CTNNA3: variants seen among roughly 807,000 people sequenced by gnomAD.
CTNNA3 encodes catenin alpha 3.
A neutral mutation model predicts 95.7 loss-of-function variants in CTNNA3; 76 were observed. The observed-to-expected ratio is 0.79, with a 90% CI of 0.66 to 0.96. The LOEUF (loss-of-function observed/expected upper bound fraction) is 0.96. Ranked by LOEUF, CTNNA3 falls within the 40% of genes least tolerant of loss-of-function variation. CTNNA3 has a pLI of 0.00. For synonymous variants in CTNNA3, 431 were observed against 374.4 expected (o/e 1.15, Z -1.74); for missense variants, 1,191 against 1,089.8 (o/e 1.09, Z -1.31).
chr10:66,423,563 T>A (rs2093214283), intron 11 of CTNNA3, among the ~76,000 whole-genome samples: 5 of 152,022 alleles, frequency 3.3e-5, no homozygotes, highest in Admixed American at 2.6e-4. Context: ...AACCCTAAGA[T>A]AAATCCCTCC....
At chr10:67,263,099 G>A (rs1204142370) in intron 5 of CTNNA3, among the ~76,000 whole-genome samples, 1 of 152,172 alleles carries the variant, frequency 6.6e-6, no homozygotes, top group East Asian at 1.9e-4. Flanking sequence ...CAGATGGCAA[G>A]AAACCCAAGG....
At chr10:67,698,990 T>C (rs1589574919), upstream of CTNNA3, among the ~76,000 whole-genome samples, 1 of 152,058 alleles carries the variant, frequency 6.6e-6, no homozygotes, top group African/African-American at 2.4e-5. Flanking sequence ...ATAAACCCAC[T>C]AACACCGAGC....
intron 1 of CTNNA3, among the ~76,000 whole-genome samples, chr10:67,754,168 G>C (rs888368264): frequency 5.3e-5 from 8 of 152,268 alleles, no homozygotes; most frequent in Middle Eastern, 3.4e-3. Context: ...TTTGCAGGGA[G>C]ATGGATGGAG....
At chr10:66,428,042 A>G (rs2093258497) in intron 11 of CTNNA3, among the ~76,000 whole-genome samples, 1 of 152,170 alleles carries the variant, frequency 6.6e-6, no homozygotes. Flanking sequence ...GGCTCAAAAT[A>G]AAAGGATGGA....
At chr10:67,663,610 G>T (rs1840254280) in intron 1 of CTNNA3, among the ~76,000 whole-genome samples, 1 of 114,680 alleles carries the variant, frequency 8.7e-6, no homozygotes, top group Non-Finnish European at 2.1e-5. Flanking sequence ...CAGGACGTCA[G>T]AGGACTCGGA....
intron 13 of CTNNA3, among the ~76,000 whole-genome samples, chr10:66,153,952 T>C (rs1675838145): frequency 6.6e-6 from 1 of 151,760 alleles, no homozygotes; most frequent in African/African-American, 2.4e-5. Flanking sequence ...GGCTGGACCA[T>C]TTGAAACTTA....
intron 7 of CTNNA3, among the ~76,000 whole-genome samples, chr10:66,953,488 A>G (rs538113427): frequency 1.8e-4 from 28 of 152,298 alleles, no homozygotes; most frequent in Admixed American, 3.3e-4. Flanking sequence ...TTCCCAACAA[A>G]GAATAAGTCA....
At chr10:67,315,574 C>T (rs909888262) in intron 5 of CTNNA3, among the ~76,000 whole-genome samples, 11 of 152,074 alleles carry the variant, frequency 7.2e-5, no homozygotes, top group African/African-American at 2.4e-4. Flanking sequence ...GCTTCCTTAA[C>T]AAATTCCCAG....
chr10:67,430,102 C>T (rs1025034243), intron 5 of CTNNA3, among the ~76,000 whole-genome samples: 1 of 151,954 alleles, frequency 6.6e-6, no homozygotes, highest in African/African-American at 2.4e-5. Flanking sequence ...CTTTATATTT[C>T]ATTTTCAAGC....
At chr10:67,534,947 A>C (rs1286130608) in intron 4 of CTNNA3, among the ~76,000 whole-genome samples, 1 of 152,186 alleles carries the variant, frequency 6.6e-6, no homozygotes, top group Non-Finnish European at 1.5e-5. Context: ...GTTTTGCATC[A>C]TAATTAAGTG....
intron 7 of CTNNA3, chr10:66,928,570 A>G: frequency 2.2e-6 from 2 of 915,236 alleles, no homozygotes; most frequent in South Asian, 3.6e-5. Flanking sequence ...TCTCCCTCTC[A>G]CTTTGCTGGC....
chr10:66,708,883 G>A (rs761453107), intron 9 of CTNNA3, among the ~76,000 whole-genome samples: 2 of 152,076 alleles, frequency 1.3e-5, no homozygotes, highest in Non-Finnish European at 2.9e-5. Flanking sequence ...TCATTGTGTG[G>A]TGGGATAATA....
chr10:66,908,284 T>G (rs1846076848), intron 7 of CTNNA3, among the ~76,000 whole-genome samples: 1 of 152,306 alleles, frequency 6.6e-6, no homozygotes, highest in African/African-American at 2.4e-5. Flanking sequence ...CACTTCTACC[T>G]CAAGCCTCTG....
intron 7 of CTNNA3, among the ~76,000 whole-genome samples, chr10:67,003,578 T>G (rs955633674): frequency 1.3e-5 from 2 of 152,202 alleles, no homozygotes; most frequent in Non-Finnish European, 2.9e-5. Flanking sequence ...AAAGAAATAT[T>G]TTATCTACAT....
chr10:67,614,375 A>G (rs1204745517), intron 2 of CTNNA3, among the ~76,000 whole-genome samples: 1 of 152,226 alleles, frequency 6.6e-6, no homozygotes, highest in Non-Finnish European at 1.5e-5. Context: ...ATTGTAATAT[A>G]TATGAAATAA....
At chr10:66,158,539 T>A (rs1452439752) in intron 13 of CTNNA3, among the ~76,000 whole-genome samples, 3 of 152,142 alleles carry the variant, frequency 2.0e-5, no homozygotes, top group Non-Finnish European at 2.9e-5. Flanking sequence ...CATGCTGTTT[T>A]GGTGACTATG....
chr10:67,692,820 G>C lies in CTNNA3; in HGVS notation c.-6+3180C>G, dbSNP rs555469920. 5.3e-5 allele frequency among the ~76,000 whole-genome samples: 8 copies of C among 149,866 alleles called. 1 individual carries two copies. Among genetic ancestry groups the C allele is most frequent in the Admixed American group, 2.0e-4 (3 of 15,098 alleles). ...CTTTCAGGCACAAGCCTCTTATCTC[G>C]TTTCATAGATTAGTTAAAAATTGGG... On this transcript the variant is annotated intron_variant, in intron 1 of 17. Coordinates refer to ENST00000433211, the MANE Select transcript of CTNNA3 (RefSeq NM_013266.4).
chr10:66,154,057 T>C (rs964608292), intron 13 of CTNNA3, among the ~76,000 whole-genome samples: 23 of 151,880 alleles, frequency 1.5e-4, no homozygotes, highest in Admixed American at 7.2e-4. Flanking sequence ...ATTAAACCCA[T>C]ACCTTTAAAC....
intron 13 of CTNNA3, among the ~76,000 whole-genome samples, chr10:66,171,409 G>A (rs1475965989): frequency 6.6e-6 from 1 of 151,740 alleles, no homozygotes; most frequent in Non-Finnish European, 1.5e-5. Flanking sequence ...AGCCAGGCAT[G>A]GTGGTGGGCA....
Sources: gnomAD v4.1 joint callset for allele counts (sites outside exome capture counted in the v4.1 genomes callset) on GRCh38, gnomAD v4.1.1 for gene constraint, MANE v1.5 for transcripts, NCBI Gene and HGNC (gene_info 2026-07-23, HGNC 2026-07-21) for gene names.